The following PALM2AKAP2 variants were observed in gnomAD, a reference collection of about 807,000 sequenced individuals.
PALM2AKAP2 encodes the protein PALM2 and AKAP2 fusion.
In PALM2AKAP2, 37 loss-of-function variants were observed where a neutral mutation model predicts 71.5. The ratio of observed to expected loss-of-function variants is 0.52; its 90% confidence interval spans 0.40 to 0.68. The LOEUF (loss-of-function observed/expected upper bound fraction) is 0.68, where lower values mean the gene tolerates loss of function less well. Ranked by LOEUF, PALM2AKAP2 falls within the 30% of genes least tolerant of loss-of-function variation. The probability of loss-of-function intolerance (pLI) is 0.00; values close to 1 mark genes in which losing one functional copy is unlikely to be tolerated. For synonymous variants in PALM2AKAP2, 468 were observed against 478.8 expected (o/e 0.98, Z 0.29); for missense variants, 1,224 against 1,191.8 (o/e 1.03, Z -0.40).
chr9:109,817,027 A>G (rs1265244805), intron 1 of PALM2AKAP2, among the ~76,000 whole-genome samples: 1 of 152,176 alleles, frequency 6.6e-6, no homozygotes, highest in East Asian at 1.9e-4. Flanking sequence ...AGATTTATTT[A>G]CCCCTACCGA....
intron 1 of PALM2AKAP2, among the ~76,000 whole-genome samples, chr9:110,126,642 T>G (rs984441440): frequency 6.6e-6 from 1 of 152,150 alleles, no homozygotes; most frequent in African/African-American, 2.4e-5. Flanking sequence ...CGGAAGCCTC[T>G]CAGTCACTCC....
upstream of PALM2AKAP2, among the ~76,000 whole-genome samples, chr9:109,777,284 G>A (rs1587904521): frequency 6.6e-6 from 1 of 152,100 alleles, no homozygotes; most frequent in African/African-American, 2.4e-5. Context: ...TTCTTCCCAA[G>A]GCTAACTGGC....
intron 1 of PALM2AKAP2, among the ~76,000 whole-genome samples, chr9:110,061,466 A>G (rs1282780311): frequency 6.6e-6 from 1 of 152,034 alleles, no homozygotes; most frequent in Non-Finnish European, 1.5e-5. Context: ...TTCCATAAGC[A>G]CAGATACTCT....
chr9:109,712,742 A>G (rs762673203), intron 1 of PALM2AKAP2, among the ~76,000 whole-genome samples: 4 of 152,164 alleles, frequency 2.6e-5, no homozygotes, highest in Non-Finnish European at 2.9e-5. Flanking sequence ...TCCCATACCC[A>G]TCTCACATTT....
At chr9:109,649,212 T>A (rs1827192723) in intron 1 of PALM2AKAP2, among the ~76,000 whole-genome samples, 1 of 152,226 alleles carries the variant, frequency 6.6e-6, no homozygotes, top group Admixed American at 6.5e-5. Context: ...TATTTTCCTT[T>A]ATTTTTTTGT....
chr9:109,773,308 A>AT (rs1035956282), intron 1 of PALM2AKAP2, among the ~76,000 whole-genome samples: 4 of 151,612 alleles, frequency 2.6e-5, no homozygotes, highest in African/African-American at 7.3e-5. Context: ...GCTAATTTAA[A>AT]TTTTTTTTTG....
At chr9:109,873,189 G>C (rs144991957) in intron 2 of PALM2AKAP2, among the ~76,000 whole-genome samples, 1 of 152,296 alleles carries the variant, frequency 6.6e-6, no homozygotes, top group Non-Finnish European at 1.5e-5. Flanking sequence ...TAGGCCAGGC[G>C]CAGTGGCTCA....
At chr9:109,982,358 GA>G (rs1365587392) in intron 6 of PALM2AKAP2, among the ~76,000 whole-genome samples, 5 of 152,134 alleles carry the variant, frequency 3.3e-5, no homozygotes, top group African/African-American at 1.2e-4. Flanking sequence ...AATATGATTA[GA>G]TATATAACTA....
chr9:110,150,815 G>C (rs1836293944), intron 2 of PALM2AKAP2, among the ~76,000 whole-genome samples: 1 of 152,188 alleles, frequency 6.6e-6, no homozygotes, highest in African/African-American at 2.4e-5. Context: ...TCTCCCGCCT[G>C]CACTCTTGAA....
intron 1 of PALM2AKAP2, among the ~76,000 whole-genome samples, chr9:110,050,388 T>G (rs543908664): frequency 1.3e-5 from 2 of 152,344 alleles, no homozygotes; most frequent in South Asian, 4.1e-4. Flanking sequence ...TCTGGAAATG[T>G]TCTTAATTTA....
At chr9:109,935,167 G>A (rs967912492) in intron 6 of PALM2AKAP2, among the ~76,000 whole-genome samples, 2 of 152,232 alleles carry the variant, frequency 1.3e-5, no homozygotes, top group African/African-American at 2.4e-5. Context: ...AGTTTTGAAT[G>A]TAGAAAACCC....
chr9:109,836,350 A>G (rs1828476022), intron 1 of PALM2AKAP2, among the ~76,000 whole-genome samples: 1 of 152,258 alleles, frequency 6.6e-6, no homozygotes, highest in Admixed American at 6.5e-5. Flanking sequence ...AACAAACAGA[A>G]AGGACATCGA....
chr9:109,761,836 A>G (rs7023081), intron 1 of PALM2AKAP2, among the ~76,000 whole-genome samples: 79,643 of 152,084 alleles, frequency 0.52, 21,148 homozygotes, highest in East Asian at 0.73. Flanking sequence ...ATAAACATAC[A>G]TGTGCATGTA....
intron 1 of PALM2AKAP2, among the ~76,000 whole-genome samples, chr9:109,832,059 A>G (rs1828315426): frequency 6.6e-6 from 1 of 152,118 alleles, no homozygotes; most frequent in Admixed American, 6.5e-5. Context: ...CCTGACCTCC[A>G]CTCACAGACA....
chr9:109,857,519 A>G (rs1321532149), intron 1 of PALM2AKAP2, among the ~76,000 whole-genome samples: 1 of 152,174 alleles, frequency 6.6e-6, no homozygotes, highest in Non-Finnish European at 1.5e-5. Flanking sequence ...GATGTTTTGC[A>G]TTTTCAACAG....
intron 1 of PALM2AKAP2, among the ~76,000 whole-genome samples, chr9:109,772,796 G>T (rs942383674): frequency 3.3e-5 from 5 of 152,198 alleles, no homozygotes; most frequent in African/African-American, 1.2e-4. Context: ...TTTTCTCCCG[G>T]TGCACTGAGT....
intron 1 of PALM2AKAP2, among the ~76,000 whole-genome samples, chr9:110,056,264 G>A (rs1368308464): frequency 6.6e-6 from 1 of 152,214 alleles, no homozygotes; most frequent in East Asian, 1.9e-4. Context: ...GACTGCGTCA[G>A]CTTACATTAC....
upstream of PALM2AKAP2, among the ~76,000 whole-genome samples, chr9:109,778,929 C>T (rs969572940): frequency 5.3e-5 from 8 of 151,890 alleles, 1 homozygote; most frequent in South Asian, 4.2e-4. Flanking sequence ...CCACCACGCC[C>T]GGCTAATTTT....
intron 5 of PALM2AKAP2, among the ~76,000 whole-genome samples, chr9:109,930,296 G>A (rs1200750405): frequency 6.6e-6 from 1 of 151,922 alleles, no homozygotes; most frequent in Non-Finnish European, 1.5e-5. Flanking sequence ...CACAATCTTG[G>A]CTCACTGCAA....
Sources: allele counts gnomAD v4.1 joint callset (sites outside exome capture counted in the v4.1 genomes callset), GRCh38; gene constraint gnomAD v4.1.1; transcripts MANE v1.5; gene names NCBI Gene and HGNC (gene_info 2026-07-23, HGNC 2026-07-21).